Variants in AAK1 observed in about 807,000 individuals in gnomAD.
AAK1 encodes the protein AP2-associated protein kinase 1.
In AAK1, 37 loss-of-function variants were observed where a neutral mutation model predicts 116.0. The observed-to-expected ratio is 0.32, with a 90% CI of 0.25 to 0.42. The LOEUF is 0.42. AAK1 is among the 10% of genes least tolerant of loss of function. The pLI is 1.00. For synonymous variants in AAK1, 458 were observed against 439.9 expected, an observed-to-expected ratio of 1.04 and a Z score of -0.51; for missense variants, 919 against 1,170.6, an observed-to-expected ratio of 0.79 and a Z score of 3.14.
chr2:69,524,901 G>T, intron 10 of AAK1, 132 bp downstream of exon 10: 1 of 811,468 alleles, frequency 1.2e-6, no homozygotes, highest in South Asian at 1.7e-5. Context: ...GCCTAGGCAA[G>T]ACAGAGCTTG....
intron 2 of AAK1, among the ~76,000 whole-genome samples, chr2:69,572,253 G>A (rs1196059975): frequency 6.6e-6 from 1 of 152,148 alleles, no homozygotes. Context: ...CAGGGTGGCT[G>A]AGCACAACAC....
chr2:69,557,482 T>C (rs899781663), intron 2 of AAK1, among the ~76,000 whole-genome samples: 2 of 152,052 alleles, frequency 1.3e-5, no homozygotes, highest in Non-Finnish European at 2.9e-5. Flanking sequence ...TTATACTTTT[T>C]TGTAGAGAAG....
At position 69,486,793 on chromosome 2, in the gene AAK1, T is replaced by A. The variant is rs1675317397; in HGVS notation, c.2366-3981A>T. Reference sequence around the variant, plus strand: ...GTGCAACTTGCCCAAAGTCACAGATTAGACATGGTAGAGCCTGGACTTGTC... The same window carrying A: ...GTGCAACTTGCCCAAAGTCACAGATAAGACATGGTAGAGCCTGGACTTGTC... On this transcript the variant is annotated intron_variant, in intron 17 of 21. Transcript: ENST00000409085. Among the ~76,000 whole-genome samples the A allele has an allele frequency of 2.0e-5, 3 of 152,212 alleles. No homozygotes were observed. In the South Asian group the frequency reaches 6.2e-4, roughly 32 times the overall value.
intron 2 of AAK1, among the ~76,000 whole-genome samples, chr2:69,565,273 A>C (rs1034221392): frequency 1.3e-5 from 2 of 152,240 alleles, no homozygotes; most frequent in African/African-American, 2.4e-5. Flanking sequence ...ACTGCTAAAA[A>C]CAGCTGGATC....
intron 17 of AAK1, among the ~76,000 whole-genome samples, chr2:69,494,958 G>T (rs1201327737): frequency 1.3e-5 from 2 of 152,098 alleles, no homozygotes; most frequent in African/African-American, 4.8e-5. Flanking sequence ...CTTGGTAAAG[G>T]ATATGAACAT....
intron 5 of AAK1, 89 bp downstream of exon 5, chr2:69,542,434 C>A (rs1186122807): frequency 6.8e-7 from 1 of 1,479,472 alleles, no homozygotes; most frequent in Admixed American, 2.0e-5. Context: ...TCTTAAATTT[C>A]TCTCATATCC....
chr2:69,544,897 G>A (rs1670862771), intron 3 of AAK1, among the ~76,000 whole-genome samples: 1 of 152,162 alleles, frequency 6.6e-6, no homozygotes, highest in South Asian at 2.1e-4. Context: ...GAGACCGTGT[G>A]AACTACTTAA....
Position 69,482,757 on chromosome 2 carries a change from G to C in AAK1, c.2421C>G (p.Leu807=). The part of the protein sequence containing the change: ...SPDTSLLLPD[L]LPMTDPFGST... ...TACCAAAAGGATCTGTCATAGGCAA[G>C]AGGTCAGGGAGCAGAAGAGAAGTGT... Residue 807 remains leucine (L), a synonymous_variant, in exon 18 of 22, where the codon CTC becomes CTG. Transcript: ENST00000409085. 6.2e-7 allele frequency: 1 copy of C among 1,613,878 alleles called. No individual in the cohort carries two copies. Among genetic ancestry groups the C allele is most frequent in the Non-Finnish European group, 8.5e-7 (1 of 1,179,742 alleles).
In AAK1 at chr2:69,468,426, T is replaced by C. The variant is rs1674559287; in HGVS notation, c.*7443A>G. 2 of 985,310 alleles carry C rather than the reference T, an allele frequency of 2.0e-6. No individual in the cohort carries two copies. Among genetic ancestry groups the C allele is most frequent in the Non-Finnish European group, 2.4e-6 (2 of 829,922 alleles). 61.0% of individuals were successfully genotyped at this position (985,310 alleles called of 1,614,324 possible). ...TCCTTGAACCACCTTCCTCACATAG[T>C]ATCAGTTGGACAAAGTTTTCAGTTG... On this transcript the variant is annotated 3_prime_UTR_variant, in exon 22 of 22. Transcript: ENST00000409085.
chr2:69,603,535 C>A (rs979008144), intron 2 of AAK1, among the ~76,000 whole-genome samples: 6 of 152,126 alleles, frequency 3.9e-5, no homozygotes, highest in African/African-American at 1.4e-4. Context: ...TGCAGAAGGT[C>A]GCAAATCCAC....
intron 2 of AAK1, among the ~76,000 whole-genome samples, chr2:69,587,477 A>ATATAT (rs1553418808): frequency 1.4e-5 from 2 of 145,612 alleles, no homozygotes; most frequent in African/African-American, 5.3e-5. Context: ...ATATATATAT[A>ATATAT]TTTTTTTGAT....
Position 69,544,552 on chromosome 2 carries a change from C to A in AAK1, c.283-8G>T. 6.3e-7 allele frequency: 1 copy of A among 1,590,932 alleles called. No individual in the cohort carries two copies. The highest frequency in any genetic ancestry group is 1.7e-5 in the Admixed American group (1 of 59,946). ...GTGCCCTGAAAGATCCCTCTGTGAA[C>A]AAGAGAGGAGAAATATATTGTTAGT... On this transcript the variant is annotated splice_region_variant and splice_polypyrimidine_tract_variant and intron_variant, in intron 3 of 21. Coordinates refer to ENST00000409085, the MANE Select transcript of AAK1 (RefSeq NM_014911.5).
intron 2 of AAK1, among the ~76,000 whole-genome samples, chr2:69,579,042 C>G (rs1672436421): frequency 6.6e-6 from 1 of 152,030 alleles, no homozygotes; most frequent in Admixed American, 6.6e-5. Flanking sequence ...CTGACCTCGT[C>G]TTTACCTCTT....
chr2:69,620,262 C>A (rs1214371742), intron 2 of AAK1, among the ~76,000 whole-genome samples: 1 of 152,136 alleles, frequency 6.6e-6, no homozygotes, highest in African/African-American at 2.4e-5. Flanking sequence ...AATGGAATTG[C>A]AATTTTTAAA....
intron 2 of AAK1, among the ~76,000 whole-genome samples, chr2:69,585,733 G>C (rs1026914471): frequency 6.6e-6 from 1 of 152,144 alleles, no homozygotes; most frequent in Non-Finnish European, 1.5e-5. Context: ...ATATGATGTG[G>C]CATATGGTAC....
At chr2:69,525,987 C>T (rs1378332726) in intron 9 of AAK1, among the ~76,000 whole-genome samples, 2 of 152,020 alleles carry the variant, frequency 1.3e-5, no homozygotes, top group African/African-American at 4.8e-5. Flanking sequence ...AGGGTCCTCT[C>T]GCTTCCTTCA....
At chr2:69,610,442 C>T (rs543215415) in intron 2 of AAK1, among the ~76,000 whole-genome samples, 61 of 152,270 alleles carry the variant, frequency 4.0e-4, no homozygotes, top group African/African-American at 8.4e-4. Flanking sequence ...TTGAATTTAG[C>T]GATGACTTCT....
chr2:69,632,040 G>T (rs1009279542), intron 2 of AAK1, among the ~76,000 whole-genome samples: 7 of 151,982 alleles, frequency 4.6e-5, no homozygotes, highest in African/African-American at 1.7e-4. Context: ...AACAAAAAAG[G>T]GAGAAAGGAG....
intron 15 of AAK1, 40 bp downstream of exon 15, chr2:69,507,381 C>T (rs1676226126): frequency 8.1e-6 from 13 of 1,596,674 alleles, no homozygotes; most frequent in Non-Finnish European, 1.0e-5. Context: ...CACAGAGAAT[C>T]TATAATCAAG....
Sources: gnomAD v4.1 joint callset for allele counts (sites outside exome capture counted in the v4.1 genomes callset) on GRCh38, gnomAD v4.1.1 for gene constraint, MANE v1.5 for transcripts, NCBI Gene and HGNC (gene_info 2026-07-23, HGNC 2026-07-21) for gene names.